The following PNPLA1 variants were observed in gnomAD, a reference collection of about 807,000 sequenced individuals.
PNPLA1 encodes the protein omega-hydroxyceramide transacylase.
A neutral mutation model predicts 51.7 loss-of-function variants in PNPLA1; 36 were observed. The ratio of observed to expected loss-of-function variants is 0.70; its 90% CI spans 0.53 to 0.92. The LOEUF (loss-of-function observed/expected upper bound fraction) is 0.92, where lower values mean the gene tolerates loss of function less well. Ranked by LOEUF, PNPLA1 falls within the 40% of genes least tolerant of loss-of-function variation. The probability of loss-of-function intolerance (pLI) is 0.00; values close to 1 mark genes in which losing one functional copy is unlikely to be tolerated. For missense variants in PNPLA1, 658 were observed against 682.5 expected (o/e 0.96, Z 0.40); for synonymous variants, 293 against 280.1 (o/e 1.05, Z -0.46).
intron 5 of PNPLA1, 70 bp from the exon 6 acceptor site, chr6:36,301,791 A>G: frequency 6.5e-7 from 1 of 1,536,770 alleles, no homozygotes; most frequent in African/African-American, 1.4e-5. Flanking sequence ...AAATAACTCA[A>G]GAAACCATTT....
At chr6:36,297,155 A>C (rs1770882883) in intron 5 of PNPLA1, among the ~76,000 whole-genome samples, 1 of 152,130 alleles carries the variant, frequency 6.6e-6, no homozygotes, top group African/African-American at 2.4e-5. Context: ...AGGCTTCTTC[A>C]ATGGCCCTGG....
chr6:36,274,111 C>T (rs1400387016), intron 1 of PNPLA1, among the ~76,000 whole-genome samples: 2 of 152,218 alleles, frequency 1.3e-5, no homozygotes, highest in Admixed American at 1.3e-4. Context: ...CACCGTTCTA[C>T]CTCTGGCATA....
chr6:36,256,760 C>T (rs1769542815), intron 1 of PNPLA1, among the ~76,000 whole-genome samples: 1 of 152,060 alleles, frequency 6.6e-6, no homozygotes, highest in African/African-American at 2.4e-5. Context: ...CCCCACATTT[C>T]TGAGGTTTGA....
intron 1 of PNPLA1, among the ~76,000 whole-genome samples, chr6:36,289,982 A>G (rs1305377956): frequency 6.6e-6 from 1 of 152,200 alleles, no homozygotes; most frequent in African/African-American, 2.4e-5. Flanking sequence ...CACACTGATT[A>G]CTTCCCGGAT....
At chr6:36,297,955 C>T (rs940334419) in intron 5 of PNPLA1, among the ~76,000 whole-genome samples, 3 of 152,096 alleles carry the variant, frequency 2.0e-5, no homozygotes, top group East Asian at 1.9e-4. Flanking sequence ...TCCTCATGCC[C>T]TTTCGTGATC....
chr6:36,276,669 C>T (rs1355852849), intron 1 of PNPLA1, among the ~76,000 whole-genome samples: 1 of 152,220 alleles, frequency 6.6e-6, no homozygotes, highest in East Asian at 1.9e-4. Context: ...CCTACTCCCA[C>T]TTAAGCTACT....
chr6:36,249,685 C>T (rs1226785265), intron 1 of PNPLA1, among the ~76,000 whole-genome samples: 1 of 152,200 alleles, frequency 6.6e-6, no homozygotes, highest in African/African-American at 2.4e-5. Context: ...TGAGATCTAA[C>T]TAACGTTCTA....
At chr6:36,253,694 G>T (rs1401799365) in intron 1 of PNPLA1, among the ~76,000 whole-genome samples, 2 of 152,158 alleles carry the variant, frequency 1.3e-5, no homozygotes, top group East Asian at 3.8e-4. Flanking sequence ...GCCCAGGCTG[G>T]TCTCAAACTC....
chr6:36,304,074 T>C (rs1285802482), intron 6 of PNPLA1, among the ~76,000 whole-genome samples: 1 of 152,038 alleles, frequency 6.6e-6, no homozygotes, highest in Non-Finnish European at 1.5e-5. Context: ...AGTGCAGGAA[T>C]GTGCAGGGTA....
Position 36,307,881 on chromosome 6 carries a change from C to T in PNPLA1, c.1595+169C>T, listed in dbSNP as rs1771292093. 4.9e-6 allele frequency: 4 copies of T among 809,638 alleles called. No homozygotes were observed. In the South Asian group the frequency reaches 8.7e-5, roughly 18 times the overall value. 50.2% of individuals were successfully genotyped at this position (809,638 alleles called of 1,614,324 possible). Reference sequence around the variant, plus strand: ...ATAAAATTCCTGCTCTGCCACAGCTCCACTCAGGGATCATGGTTGGGACAC... The same window carrying T: ...ATAAAATTCCTGCTCTGCCACAGCTTCACTCAGGGATCATGGTTGGGACAC... On this transcript the variant is annotated intron_variant, in intron 8 of 8. Coordinates refer to ENST00000636260, the MANE Select transcript of PNPLA1 (RefSeq NM_001374623.1).
Position 36,295,393 on chromosome 6 carries a change from C to A in PNPLA1, c.744C>A (p.Tyr248Ter). The change falls in exon 5 of 9, where the codon TAC becomes TAA. Residue 248 changes from tyrosine (Y) to a stop codon, truncating the protein, a stop_gained. Coordinates refer to ENST00000636260, the MANE Select transcript of PNPLA1 (RefSeq NM_001374623.1). LOFTEE classifies it high-confidence loss of function. ...VILHDYYYRG[Y>*]EDAVLYLRRL... ...TGCACGATTACTACTACCGAGGGTA[C>A]GAGGATGCAGTTTTGTACTTGAGGC... is the stretch of plus-strand genomic sequence containing the variant. The A allele has an allele frequency of 6.2e-7, 1 of 1,614,144 alleles. No individual in the cohort carries two copies. The highest frequency in any genetic ancestry group is 8.5e-7 in the Non-Finnish European group (1 of 1,180,032).
At chr6:36,274,688 T>C (rs1770037457) in intron 1 of PNPLA1, among the ~76,000 whole-genome samples, 1 of 152,226 alleles carries the variant, frequency 6.6e-6, no homozygotes, top group South Asian at 2.1e-4. Context: ...AGATATGAGT[T>C]CTAATTTCCC....
chr6:36,264,039 T>C (rs1041801314), intron 1 of PNPLA1, among the ~76,000 whole-genome samples: 15 of 152,200 alleles, frequency 9.9e-5, no homozygotes, highest in African/African-American at 3.4e-4. Flanking sequence ...TTCTGCCCCA[T>C]GACCGAACCT....
At chr6:36,291,212 C>T in intron 1 of PNPLA1, 108 bp from the exon 2 acceptor site, 1 of 783,048 alleles carries the variant, frequency 1.3e-6, no homozygotes. Flanking sequence ...TTCTAGGTTT[C>T]CCCATTTGTT....
intron 5 of PNPLA1, among the ~76,000 whole-genome samples, chr6:36,296,865 T>C (rs1770873634): frequency 6.6e-6 from 1 of 152,210 alleles, no homozygotes; most frequent in Non-Finnish European, 1.5e-5. Flanking sequence ...GTTTAGATCC[T>C]AGCTCCTGAC....
rs1249770340 is a variant in PNPLA1 at position 36,282,041 on chromosome 6, G to GA, written c.206-9277dup. Among the ~76,000 whole-genome samples the GA allele has an allele frequency of 1.4e-3, 151 of 108,006 alleles. 1 individual carries two copies. Among genetic ancestry groups the GA allele is most frequent in the African/African-American group, 5.3e-3 (141 of 26,664 alleles). The allele number at this position is 108,006 out of a possible 152,430, so 70.9% of individuals were successfully genotyped here. A position where few individuals can be genotyped will look rare whatever the true frequency, so the allele number is the denominator to read the frequency against. On this transcript the variant is annotated intron_variant, in intron 1 of 8. Coordinates refer to ENST00000636260, the MANE Select transcript of PNPLA1 (RefSeq NM_001374623.1). ...TCTGTGAAAGAGAGAAAGAAAGAAA[G>GA]AAGGAAAGAAAGAAAGAAAGAAAGA...
At chr6:36,287,546 G>A (rs1019313365) in intron 1 of PNPLA1, among the ~76,000 whole-genome samples, 5 of 152,168 alleles carry the variant, frequency 3.3e-5, no homozygotes, top group African/African-American at 1.2e-4. Context: ...ATGGGAGAAG[G>A]TGCTGGAAAA....
At position 36,284,025 on chromosome 6, in the gene PNPLA1, T is replaced by C. The variant is rs75926408; in HGVS notation, c.206-7295T>C. On this transcript the variant is annotated intron_variant, in intron 1 of 8. Coordinates refer to ENST00000636260, the MANE Select transcript of PNPLA1 (RefSeq NM_001374623.1). ...ATTTCCAGGGAACTTTCTAGATGCA[T>C]TCCCTCTCTGCCTGTTTCACCTCAG... 1.2e-3 allele frequency among the ~76,000 whole-genome samples: 185 copies of C among 152,364 alleles called. 5 individuals are homozygous for C. In the East Asian group the frequency reaches 0.024, roughly 20 times the overall value.
intron 1 of PNPLA1, among the ~76,000 whole-genome samples, chr6:36,256,536 C>A (rs752053825): frequency 6.6e-6 from 1 of 150,710 alleles, no homozygotes; most frequent in Admixed American, 6.6e-5. Flanking sequence ...CAACCTCCAC[C>A]TCCTGGGTTC....
Sources: allele counts gnomAD v4.1 joint callset (sites outside exome capture counted in the v4.1 genomes callset), GRCh38; gene constraint gnomAD v4.1.1; transcripts MANE v1.5; gene names NCBI Gene and HGNC (gene_info 2026-07-23, HGNC 2026-07-21).